LAMC3: variants seen among roughly 807,000 people sequenced by gnomAD.
The protein encoded by LAMC3 is laminin subunit gamma 3.
A neutral mutation model predicts 173.8 loss-of-function variants in LAMC3; 128 were observed. The ratio of observed to expected loss-of-function variants is 0.74; its 90% confidence interval spans 0.64 to 0.85. LAMC3 has a LOEUF of 0.85. LAMC3 is among the 40% of genes least tolerant of loss of function. The pLI is 0.00. For missense variants in LAMC3, 2,022 were observed against 2,156.0 expected (o/e 0.94, Z 1.23); for synonymous variants, 897 against 909.1 (o/e 0.99, Z 0.24).
chr9:131,083,745 A>T (rs1052024836), intron 24 of LAMC3, among the ~76,000 whole-genome samples: 1 of 152,176 alleles, frequency 6.6e-6, no homozygotes, highest in African/African-American at 2.4e-5. Flanking sequence ...AATTTTGTGT[A>T]CAAGGAGCAA....
chr9:131,043,193 G>A (rs1166234988), intron 7 of LAMC3, among the ~76,000 whole-genome samples: 4 of 152,234 alleles, frequency 2.6e-5, no homozygotes, highest in African/African-American at 9.7e-5. Flanking sequence ...AGCTCTGCAA[G>A]TCAAAGGGGC....
rs560682534 is a variant in LAMC3 at position 131,087,627 on chromosome 9, G to A, written c.4377+5G>A. 9 of 1,613,744 alleles carry A rather than the reference G, an allele frequency of 5.6e-6. No individual in the cohort carries two copies. The highest frequency in any genetic ancestry group is 1.1e-5 in the South Asian group (1 of 91,086). ...GAGCTGGAGGAAGCTGAGCGGGTAC[G>A]TTTGCCAGGGCCCCTACCCTATCGC... On this transcript the variant is annotated splice_donor_5th_base_variant and intron_variant, in intron 26 of 27. Coordinates refer to ENST00000361069, the MANE Select transcript of LAMC3 (RefSeq NM_006059.4).
intron 20 of LAMC3, among the ~76,000 whole-genome samples, chr9:131,073,642 C>T (rs1355231111): frequency 2.0e-5 from 3 of 152,142 alleles, no homozygotes; most frequent in Non-Finnish European, 2.9e-5. Context: ...GCACTCCAGC[C>T]TGGGCAATAG....
intron 9 of LAMC3, among the ~76,000 whole-genome samples, chr9:131,052,139 G>A (rs1374036968): frequency 2.6e-5 from 4 of 152,192 alleles, no homozygotes; most frequent in Admixed American, 6.5e-5. Flanking sequence ...CATCGTGAAT[G>A]CTACACATGA....
intron 9 of LAMC3, among the ~76,000 whole-genome samples, chr9:131,049,960 C>T (rs1305455180): frequency 6.6e-6 from 1 of 152,360 alleles, no homozygotes; most frequent in Non-Finnish European, 1.5e-5. Flanking sequence ...GCACCCCCGA[C>T]CAGCTCTGCC....
At chr9:131,018,094 C>T (rs1288531903) in intron 1 of LAMC3, among the ~76,000 whole-genome samples, 5 of 151,212 alleles carry the variant, frequency 3.3e-5, no homozygotes, top group African/African-American at 1.2e-4. Context: ...AAAGTTTCTT[C>T]CAAAGGCAAC....
intron 21 of LAMC3, among the ~76,000 whole-genome samples, 191 bp downstream of exon 21, chr9:131,076,156 G>A (rs940458791): frequency 6.6e-6 from 1 of 152,106 alleles, no homozygotes; most frequent in Admixed American, 6.5e-5. Context: ...GTGAGTCGCA[G>A]TAACCCACTT....
intron 24 of LAMC3, 105 bp from the exon 25 acceptor site, chr9:131,085,416 CGTT>C: frequency 9.1e-7 from 1 of 1,102,964 alleles, no homozygotes; most frequent in Non-Finnish European, 1.4e-6. Context: ...GACCTCCACT[CGTT>C]GTCCAAGGGT....
chr9:131,036,324 A>G lies in LAMC3; in HGVS notation c.968A>G (p.Glu323Gly), dbSNP rs1156264352. Residue 323 changes from glutamate to glycine, a missense_variant, in exon 4 of 28, where the codon GAG (glutamate) becomes GGG (glycine). Glu to Gly is a moderately conservative substitution (Grantham distance 98). Transcript: ENST00000361069. Reference sequence around the variant, plus strand: ...CGGGGCACCGCCGAGGCTGCCCACGAGTGTCTGCGTGAGTGTCTGAGTGTC... The same window carrying G: ...CGGGGCACCGCCGAGGCTGCCCACGGGTGTCTGCGTGAGTGTCTGAGTGTC... ...WARGTAEAAH[E>G]CLPCNCSGRS... 4 of 1,612,552 alleles carry G rather than the reference A, an allele frequency of 2.5e-6. No homozygotes were observed. Among genetic ancestry groups the G allele is most frequent in the Admixed American group, 3.3e-5 (2 of 59,962 alleles).
chr9:131,065,238 C>T (rs997278489), intron 13 of LAMC3, among the ~76,000 whole-genome samples: 4 of 152,056 alleles, frequency 2.6e-5, no homozygotes, highest in Non-Finnish European at 5.9e-5. Flanking sequence ...TTTTATGCTC[C>T]GTCTATGTCC....
intron 23 of LAMC3, among the ~76,000 whole-genome samples, chr9:131,080,651 C>T (rs577964341): frequency 1.1e-4 from 16 of 152,220 alleles, no homozygotes; most frequent in African/African-American, 3.6e-4. Context: ...AAGAGCTGAG[C>T]CCAGTGCCTG....
chr9:131,009,594 GC>G lies in LAMC3; in HGVS notation c.373+8del. ...AACATCACCCTCCGCCTAGGTAAGC[GC>G]GGGCTGGGGGCACCGCCACCGCACC... On this transcript the variant is annotated splice_region_variant and intron_variant, in intron 1 of 27. Transcript: ENST00000361069. This position sits in a 1 kb window ranked among gnomAD's most constrained non-coding sequence, Gnocchi z 4.3. 1 of 1,566,358 alleles carries G rather than the reference GC, an allele frequency of 6.4e-7. No individual in the cohort carries two copies.
rs770347878 is a variant in LAMC3 at position 131,049,156 on chromosome 9, G to A, written c.1630+26G>A. 12 of 1,398,326 alleles carry A rather than the reference G, an allele frequency of 8.6e-6. No homozygotes were observed. The Admixed American group carries it at 2.2e-4, about 25-fold the overall frequency. 86.6% of individuals were successfully genotyped at this position (1,398,326 alleles called of 1,614,324 possible). A position where few individuals can be genotyped will look rare whatever the true frequency, so the allele number is the denominator to read the frequency against. ...GTACCTCCAGCACCAGGTGGGGGCT[G>A]GCCGCCCTGTGTCGGTTCCTCCTGC... is the stretch of plus-strand genomic sequence containing the variant. On this transcript the variant is annotated intron_variant, in intron 9 of 27. Transcript: ENST00000361069.
rs1554724025 is a variant in LAMC3 at position 131,091,923 on chromosome 9, T to TTA, written c.*136_*137insTA. Reference sequence around the variant, plus strand: ...TGTGAACTCGCCCCCGTGTGGATAGTCACTCCCTGCCGATTCTGTCTGTGG... The same window carrying TTA: ...TGTGAACTCGCCCCCGTGTGGATAGTTACACTCCCTGCCGATTCTGTCTGTGG... On this transcript the variant is annotated 3_prime_UTR_variant, in exon 28 of 28. Transcript: ENST00000361069. 1.7e-5 allele frequency: 17 copies of TTA among 1,001,434 alleles called. 1 individual carries two copies. In the East Asian group the frequency reaches 2.9e-4, roughly 17 times the overall value. 62.0% of individuals were successfully genotyped at this position (1,001,434 alleles called of 1,614,324 possible). A position where few individuals can be genotyped will look rare whatever the true frequency, so the allele number is the denominator to read the frequency against.
intron 12 of LAMC3, 112 bp from the exon 13 acceptor site, chr9:131,060,923 A>C: frequency 9.3e-7 from 1 of 1,071,084 alleles, no homozygotes; most frequent in Non-Finnish European, 1.4e-6. Flanking sequence ...CTGCCTGGGA[A>C]AGGTCCCCAC....
At chr9:131,068,276 G>A (rs748318715) in intron 15 of LAMC3, 45 bp downstream of exon 15, 17 of 1,582,022 alleles carry the variant, frequency 1.1e-5, no homozygotes, top group Non-Finnish European at 1.5e-5. Flanking sequence ...CTCTCCAGGA[G>A]GGAAGAAGGC....
chr9:131,068,554 G>A (rs1307607378), intron 15 of LAMC3, among the ~76,000 whole-genome samples: 1 of 152,084 alleles, frequency 6.6e-6, no homozygotes, highest in African/African-American at 2.4e-5. Context: ...AGTGTTCTTA[G>A]GGAACAGGAG....
At chr9:131,047,992 T>C (rs946378371) in intron 8 of LAMC3, among the ~76,000 whole-genome samples, 2 of 150,088 alleles carry the variant, frequency 1.3e-5, no homozygotes, top group African/African-American at 4.9e-5. Flanking sequence ...ATGATCCATC[T>C]GCCTCGGCCT....
At chr9:131,046,564 A>G (rs1163014806) in intron 8 of LAMC3, among the ~76,000 whole-genome samples, 3 of 95,890 alleles carry the variant, frequency 3.1e-5, no homozygotes, top group Non-Finnish European at 5.9e-5. Context: ...GGGTCTTACC[A>G]TGTTGCCCAG....
Sources: gnomAD v4.1 joint callset for allele counts (sites outside exome capture counted in the v4.1 genomes callset) on GRCh38, gnomAD v4.1.1 for gene constraint, Gnocchi (gnomAD v3.1) non-coding constraint, MANE v1.5 for transcripts, NCBI Gene and HGNC (gene_info 2026-07-23, HGNC 2026-07-21) for gene names.